YAP1: variants seen among roughly 807,000 people sequenced by gnomAD.
YAP1 encodes Yes1 associated transcriptional regulator, also known as transcriptional coactivator YAP1.
A neutral mutation model predicts 56.9 loss-of-function variants in YAP1; 5 were observed. The observed-to-expected ratio is 0.09, with a 90% confidence interval of 0.05 to 0.18. The LOEUF is 0.18. Among genes scored for constraint, YAP1 ranks in the 10% least tolerant of loss-of-function variants. The probability of loss-of-function intolerance (pLI) is 1.00; values close to 1 mark genes in which losing one functional copy is unlikely to be tolerated. For missense variants in YAP1, 539 were observed against 651.8 expected (o/e 0.83, Z 1.88); for synonymous variants, 265 against 248.1 (o/e 1.07, Z -0.64).
At chr11:102,146,475 C>G (rs1652769777) in intron 2 of YAP1, among the ~76,000 whole-genome samples, 1 of 152,184 alleles carries the variant, frequency 6.6e-6, no homozygotes, top group Admixed American at 6.5e-5. Flanking sequence ...TTTACTACTT[C>G]AGCTACTTAC....
intron 4 of YAP1, among the ~76,000 whole-genome samples, chr11:102,191,001 C>T (rs1948248425): frequency 6.6e-6 from 1 of 151,954 alleles, no homozygotes; most frequent in Non-Finnish European, 1.5e-5. Context: ...TGGTGACACC[C>T]CATCTCTGCT....
At chr11:102,216,414 T>C (rs1298060644) in intron 6 of YAP1, among the ~76,000 whole-genome samples, 1 of 152,224 alleles carries the variant, frequency 6.6e-6, no homozygotes, top group Non-Finnish European at 1.5e-5. Context: ...ATATTTTATA[T>C]AAATTCTCCA....
At chr11:102,180,984 A>G (rs1947578029) in intron 3 of YAP1, among the ~76,000 whole-genome samples, 1 of 151,974 alleles carries the variant, frequency 6.6e-6, no homozygotes, top group Non-Finnish European at 1.5e-5. Context: ...CCATCTCTAC[A>G]GAAAAATTTA....
At chr11:102,153,775 A>T (rs1311771792) in intron 2 of YAP1, among the ~76,000 whole-genome samples, 2 of 152,074 alleles carry the variant, frequency 1.3e-5, no homozygotes, top group African/African-American at 2.4e-5. Flanking sequence ...GTTTGTTCTT[A>T]GTGAGCTGCT....
At chr11:102,132,583 G>C (rs569913453) in intron 2 of YAP1, among the ~76,000 whole-genome samples, 1 of 152,208 alleles carries the variant, frequency 6.6e-6, no homozygotes, top group East Asian at 1.9e-4. Context: ...TTTTTTAAAG[G>C]TTTGTTTTGA....
intron 2 of YAP1, among the ~76,000 whole-genome samples, chr11:102,146,290 G>A (rs989277611): frequency 4.6e-5 from 7 of 152,042 alleles, no homozygotes; most frequent in African/African-American, 1.4e-4. Context: ...CCCAAAGTGC[G>A]AGGGTTACAG....
chr11:102,216,503 T>G (rs190686134), intron 6 of YAP1, among the ~76,000 whole-genome samples: 341 of 152,338 alleles, frequency 2.2e-3, no homozygotes, highest in Middle Eastern at 6.8e-3. Flanking sequence ...AATAATGTAA[T>G]TTTATCAAAA....
chr11:102,203,959 T>C (rs1949002117), intron 4 of YAP1, among the ~76,000 whole-genome samples: 1 of 152,164 alleles, frequency 6.6e-6, no homozygotes, highest in Admixed American at 6.6e-5. Flanking sequence ...TAGAAATAAG[T>C]TAATAATGCA....
At chr11:102,216,384 C>G (rs1201838052) in intron 6 of YAP1, among the ~76,000 whole-genome samples, 1 of 151,946 alleles carries the variant, frequency 6.6e-6, no homozygotes, top group African/African-American at 2.4e-5. Context: ...TCAAATTAAT[C>G]CGAATGTTTA....
chr11:102,132,704 C>T (rs1309963099), intron 2 of YAP1, among the ~76,000 whole-genome samples: 1 of 152,194 alleles, frequency 6.6e-6, no homozygotes, highest in Non-Finnish European at 1.5e-5. Context: ...AATTCAGCTT[C>T]ATGTTCATTT....
At chr11:102,116,945 G>A (rs923840054) in intron 2 of YAP1, among the ~76,000 whole-genome samples, 1 of 152,000 alleles carries the variant, frequency 6.6e-6, no homozygotes, top group Non-Finnish European at 1.5e-5. Flanking sequence ...GAATGCTGTG[G>A]GCTTATAAAA....
At chr11:102,187,944 T>C (rs1948066237) in intron 4 of YAP1, among the ~76,000 whole-genome samples, 1 of 152,220 alleles carries the variant, frequency 6.6e-6, no homozygotes, top group Non-Finnish European at 1.5e-5. Flanking sequence ...CTTGACAATA[T>C]GCCAGAGCTT....
intron 2 of YAP1, among the ~76,000 whole-genome samples, chr11:102,116,653 A>T (rs2135129109): frequency 6.6e-6 from 1 of 152,336 alleles, no homozygotes; most frequent in Non-Finnish European, 1.5e-5. Context: ...GGGTAGAGAG[A>T]TATTTACCCG....
At chr11:102,111,594 G>C (rs1386012837) in intron 1 of YAP1, among the ~76,000 whole-genome samples, 1 of 151,920 alleles carries the variant, frequency 6.6e-6, no homozygotes, top group Non-Finnish European at 1.5e-5. Flanking sequence ...CGCTCCCGCC[G>C]GGCCGGGCTG....
intron 2 of YAP1, among the ~76,000 whole-genome samples, chr11:102,143,650 A>G (rs182674351): frequency 4.3e-4 from 65 of 152,292 alleles, no homozygotes; most frequent in Middle Eastern, 6.8e-3. Context: ...TTACCTGACT[A>G]TTGCTAACAG....
At chr11:102,174,647 A>G (rs191787909) in intron 3 of YAP1, among the ~76,000 whole-genome samples, 1 of 152,284 alleles carries the variant, frequency 6.6e-6, no homozygotes, top group East Asian at 1.9e-4. Flanking sequence ...GCAACTTCAC[A>G]AAGACCGATC....
intron 2 of YAP1, among the ~76,000 whole-genome samples, chr11:102,152,120 A>C (rs1272166243): frequency 2.0e-5 from 3 of 152,208 alleles, no homozygotes; most frequent in Admixed American, 1.3e-4. Flanking sequence ...CCAAATGAAG[A>C]GGTCCTTTCA....
chr11:102,206,224 T>C, intron 5 of YAP1, 150 bp downstream of exon 5: 2 of 918,892 alleles, frequency 2.2e-6, no homozygotes, highest in Non-Finnish European at 3.1e-6. Context: ...AGCCCTGTCC[T>C]TGTCTTAGTT....
Position 102,205,975 on chromosome 11 carries a change from G to A in YAP1, c.885G>A (p.Met295Ile), listed in dbSNP as rs780198225. ...LAPQSPQGGV[M>I]GGSNSNQQQQ... ...CCCAGAGCCCACAGGGAGGCGTCAT[G>A]GGTGGCAGCAACTCCAACCAGCAGC... Residue 295 changes from methionine to isoleucine, a missense_variant, in exon 5 of 9, where the codon ATG (methionine) becomes ATA (isoleucine). By Grantham distance (10) the Met-to-Ile change is conservative. Transcript: ENST00000282441. 6.2e-7 allele frequency: 1 copy of A among 1,613,768 alleles called. No homozygotes were observed. Among genetic ancestry groups the A allele is most frequent in the African/African-American group, 1.3e-5 (1 of 75,024 alleles).
Sources: gnomAD v4.1 joint callset for allele counts (sites outside exome capture counted in the v4.1 genomes callset) on GRCh38, gnomAD v4.1.1 for gene constraint, MANE v1.5 for transcripts, NCBI Gene and HGNC (gene_info 2026-07-23, HGNC 2026-07-21) for gene names.